Variants in ZNF318 observed in about 807,000 individuals in gnomAD.
ZNF318 encodes zinc finger protein 318, also known as endocrine regulator.
A neutral mutation model predicts 124.2 loss-of-function variants in ZNF318; 51 were observed. The observed-to-expected ratio is 0.41, with a 90% confidence interval of 0.33 to 0.52. The LOEUF (loss-of-function observed/expected upper bound fraction) is 0.52. Among genes scored for constraint, ZNF318 ranks in the 20% least tolerant of loss-of-function variants. The probability of loss-of-function intolerance (pLI) is 0.23; values close to 1 mark genes in which losing one functional copy is unlikely to be tolerated. For synonymous variants in ZNF318, 1,090 were observed against 1,040.7 expected, an observed-to-expected ratio of 1.05 and a Z score of -0.91; for missense variants, 2,815 against 2,811.2, an observed-to-expected ratio of 1.00 and a Z score of -0.03.
At chr6:43,362,254 C>T (rs1245164839) in intron 2 of ZNF318, among the ~76,000 whole-genome samples, 1 of 151,810 alleles carries the variant, frequency 6.6e-6, no homozygotes. Context: ...GAGGTCAGTT[C>T]GAGACCAGCC....
chr6:43,369,233 G>C lies in ZNF318; in HGVS notation c.133C>G (p.Pro45Ala), dbSNP rs368300752. 25 of 1,231,136 alleles carry C rather than the reference G, an allele frequency of 2.0e-5. No homozygotes were observed. The East Asian group carries it at 3.8e-4, about 19-fold the overall frequency. The allele number at this position is 1,231,136 out of a possible 1,614,324, so 76.3% of individuals were successfully genotyped here. ...PARRSSPPPPPSGSSSRTPAR... is the reference protein window; with the variant it reads ...PARRSSPPPPASGSSSRTPAR... ...GGGGTCCGCGACGAGGAGCCGGAGG[G>C]CGGAGGCGGCGGTGAGCTGCGGCGA... Residue 45 changes from proline to alanine, a missense_variant, in exon 1 of 10, where the codon CCC becomes GCC. Pro to Ala is a conservative substitution (Grantham distance 27). Coordinates refer to ENST00000361428, the MANE Select transcript of ZNF318 (RefSeq NM_014345.3).
intron 7 of ZNF318, 91 bp from the exon 8 acceptor site, chr6:43,342,302 G>A (rs1413681936): frequency 4.9e-6 from 5 of 1,028,056 alleles, no homozygotes; most frequent in Admixed American, 5.6e-5. Context: ...TAAGACCAGG[G>A]GACCAGAAGC....
At chr6:43,346,151 C>T (rs1210815411) in intron 6 of ZNF318, among the ~76,000 whole-genome samples, 3 of 135,796 alleles carry the variant, frequency 2.2e-5, no homozygotes, top group Admixed American at 8.3e-5. Flanking sequence ...GCGAAGATCA[C>T]GCCACACGCC....
chr6:43,347,019 C>T (rs1779457256), intron 6 of ZNF318, among the ~76,000 whole-genome samples: 1 of 151,966 alleles, frequency 6.6e-6, no homozygotes, highest in Non-Finnish European at 1.5e-5. Context: ...AGGAAAATTA[C>T]AAGATATTAT....
intron 2 of ZNF318, among the ~76,000 whole-genome samples, chr6:43,362,925 A>C (rs1455386420): frequency 6.6e-6 from 1 of 152,192 alleles, no homozygotes; most frequent in Non-Finnish European, 1.5e-5. Flanking sequence ...GACAGTAATT[A>C]TCCACACAAA....
At chr6:43,352,192 C>CCAT (rs1190360198) in intron 5 of ZNF318, among the ~76,000 whole-genome samples, 185 bp downstream of exon 5, 1 of 152,194 alleles carries the variant, frequency 6.6e-6, no homozygotes, top group African/African-American at 2.4e-5. Context: ...ATCACCACCA[C>CCAT]CATCATCTGG....
At chr6:43,358,003 T>C (rs1022868188) in intron 2 of ZNF318, among the ~76,000 whole-genome samples, 26 of 152,334 alleles carry the variant, frequency 1.7e-4, no homozygotes, top group Admixed American at 6.5e-4. Context: ...TTTCTCCGAC[T>C]AGACTTAGGG....
chr6:43,344,510 A>G (rs1422927666), intron 6 of ZNF318, among the ~76,000 whole-genome samples: 2 of 152,214 alleles, frequency 1.3e-5, no homozygotes, highest in Admixed American at 6.5e-5. Flanking sequence ...TACTGAGAAA[A>G]CTAATAAAAT....
At position 43,363,875 on chromosome 6, in the gene ZNF318, C is replaced by T. The variant is rs866077790; in HGVS notation, c.548+1417G>A. On this transcript the variant is annotated intron_variant, in intron 2 of 9. Coordinates refer to ENST00000361428, the MANE Select transcript of ZNF318 (RefSeq NM_014345.3). ...GAGGTGGCCACTGCCACCTGCGGGGCCATCATCCTGGCCAAGCTCTCCATT... is the reference window on the plus strand; with the variant it reads ...GAGGTGGCCACTGCCACCTGCGGGGTCATCATCCTGGCCAAGCTCTCCATT... 56 of 735,738 alleles carry T rather than the reference C, an allele frequency of 7.6e-5. No homozygotes were observed. The African/African-American group carries it at 7.7e-4, about 10-fold the overall frequency. The allele number at this position is 735,738 out of a possible 1,614,324, so 45.6% of individuals were successfully genotyped here.
chr6:43,369,137 G>A lies in ZNF318; in HGVS notation c.229C>T (p.Arg77Cys), dbSNP rs1221374108. Residue 77 changes from arginine to cysteine, a missense_variant, in exon 1 of 10, where the codon CGC becomes TGC. Arg to Cys is a radical substitution (Grantham distance 180). Around this residue, in one of 4 missense-constraint regions of ZNF318, gnomAD observed 1,377 missense variants for 1,353.5 expected, o/e 1.02. Transcript: ENST00000361428. Reference protein sequence around the residue: ...RASPSPPRGRRVSPSPPRARR... With the variant: ...RASPSPPRGRCVSPSPPRARR... Reference sequence around the variant, plus strand: ...GCCCGAGGCGGGGACGGGGAGACGCGACGACCCCGTGGCGGGGACGGCGAG... The same window carrying A: ...GCCCGAGGCGGGGACGGGGAGACGCAACGACCCCGTGGCGGGGACGGCGAG... The A allele has an allele frequency of 8.1e-7, 1 of 1,228,520 alleles. No homozygotes were observed. The highest frequency in any genetic ancestry group is 1.0e-6 in the Non-Finnish European group (1 of 985,886). The allele number at this position is 1,228,520 out of a possible 1,614,324, so 76.1% of individuals were successfully genotyped here.
intron 6 of ZNF318, among the ~76,000 whole-genome samples, chr6:43,343,139 G>C (rs1194602084): frequency 6.6e-6 from 1 of 152,132 alleles, no homozygotes; most frequent in East Asian, 1.9e-4. Context: ...AATATCTCTA[G>C]AAGAACAGCC....
rs1171759866 is a variant in ZNF318 at position 43,339,913 on chromosome 6, G to A, written c.4085C>T (p.Ser1362Leu). Residue 1362 changes from serine (S) to leucine (L), a missense_variant, in exon 10 of 10, where the codon TCA becomes TTA. Around this residue, in one of 4 missense-constraint regions of ZNF318, gnomAD observed 500 missense variants for 605.2 expected, o/e 0.83. Transcript: ENST00000361428. This position sits in a 1 kb window ranked among gnomAD's most constrained non-coding sequence, Gnocchi z 4.2. ...LPIPSTVLRK[S>L]CSATMSKPAP... ...TGGCTTGCTCATTGTGGCTGAACATGACTTGCGGAGTACTGTGGATGGAAT... is the reference window on the plus strand; with the variant it reads ...TGGCTTGCTCATTGTGGCTGAACATAACTTGCGGAGTACTGTGGATGGAAT... 6.2e-7 allele frequency: 1 copy of A among 1,614,154 alleles called. No individual in the cohort carries two copies.
rs1324859435 is a variant in ZNF318, at chr6:43,355,517, G to A, written c.1817C>T (p.Ala606Val). Residue 606 changes from alanine (A) to valine (V), a missense_variant, in exon 4 of 10, where the codon GCA (alanine) becomes GTA (valine). Transcript: ENST00000361428. The part of the protein sequence containing the change: ...LKTIGLDIGV[A>V]EISQLAARTQ... ...GCGTGCAGCCAATTGACTAATCTCT[G>A]CTACTCCAATATCCAGCCCTATTGT... 3 of 1,614,168 alleles carry A rather than the reference G, an allele frequency of 1.9e-6. No homozygotes were observed. Among genetic ancestry groups the A allele is most frequent in the East Asian group, 2.2e-5 (1 of 44,882 alleles).
Position 43,337,963 on chromosome 6 carries a change from G to C in ZNF318, c.6035C>G (p.Thr2012Ser), listed in dbSNP as rs1295856925. The C allele has an allele frequency of 1.9e-6, 3 of 1,614,098 alleles. No homozygotes were observed. Among genetic ancestry groups the C allele is most frequent in the African/African-American group, 1.3e-5 (1 of 74,926 alleles). The change falls in exon 10 of 10, where the codon ACT becomes AGT. Residue 2012 changes from threonine to serine, a missense_variant. Thr to Ser is a moderately conservative substitution (Grantham distance 58). Around this residue, in one of 4 missense-constraint regions of ZNF318, gnomAD observed 927 missense variants for 820.6 expected, o/e 1.13. Transcript: ENST00000361428. The part of the protein sequence containing the change: ...EATDLKVEEL[T>S]ALGNLGDMPV... ...CATATCCCCCAGATTCCCCAGGGCA[G>C]TAAGCTCCTCTACCTTTAAGTCTGT... is the stretch of plus-strand genomic sequence containing the variant.
chr6:43,340,984 A>ACC (rs1779367549), intron 8 of ZNF318, 76 bp from the exon 9 acceptor site: 1 of 1,071,710 alleles, frequency 9.3e-7, no homozygotes, highest in Non-Finnish European at 1.4e-6. Context: ...AAATCCCACC[A>ACC]CCCCTTTGCA....
rs774444630 is a variant in ZNF318 at position 43,337,157 on chromosome 6, C to T, written c.*1G>A. 1 of 1,567,466 alleles carries T rather than the reference C, an allele frequency of 6.4e-7. No individual in the cohort carries two copies. Among genetic ancestry groups the T allele is most frequent in the East Asian group, 2.3e-5 (1 of 44,352 alleles). On this transcript the variant is annotated 3_prime_UTR_variant, in exon 10 of 10. Coordinates refer to ENST00000361428, the MANE Select transcript of ZNF318 (RefSeq NM_014345.3). Reference sequence around the variant, plus strand: ...TCACAAGTAGCTCTAGGTATTTATTCTTAGTTGTGAACACTGGATTCTGTG... The same window carrying T: ...TCACAAGTAGCTCTAGGTATTTATTTTTAGTTGTGAACACTGGATTCTGTG...
chr6:43,349,177 T>C (rs1386131586), intron 5 of ZNF318, among the ~76,000 whole-genome samples: 2 of 152,186 alleles, frequency 1.3e-5, no homozygotes, highest in Non-Finnish European at 2.9e-5. Context: ...TGGACAGGCT[T>C]CAGGGGCTCC....
chr6:43,356,449 T>C (rs577970073), intron 3 of ZNF318, among the ~76,000 whole-genome samples: 1 of 152,168 alleles, frequency 6.6e-6, no homozygotes, highest in South Asian at 2.1e-4. Context: ...TTCTTTTCTA[T>C]GGATCCCCAA....
Position 43,348,197 on chromosome 6 carries a change from T to C in ZNF318, c.3072+127A>G, listed in dbSNP as rs111780772. ...TGAAGAGGAGTACCACACTCTGATC[T>C]ATACTGTAAGAAAATAATTAACAAG... is the stretch of plus-strand genomic sequence containing the variant. On this transcript the variant is annotated intron_variant, in intron 6 of 9. Coordinates refer to ENST00000361428, the MANE Select transcript of ZNF318 (RefSeq NM_014345.3). 1,251 of 967,648 alleles carry C rather than the reference T, an allele frequency of 1.3e-3. 13 individuals carry two copies. The African/African-American group carries it at 0.018, about 14-fold the overall frequency. The allele number at this position is 967,648 out of a possible 1,614,324, so 59.9% of individuals were successfully genotyped here.
Sources: gnomAD v4.1 joint callset for allele counts (sites outside exome capture counted in the v4.1 genomes callset) on GRCh38, gnomAD v4.1.1 for gene constraint, gnomAD v4.1.1 regional missense constraint, Gnocchi (gnomAD v3.1) non-coding constraint, MANE v1.5 for transcripts, NCBI Gene and HGNC (gene_info 2026-07-23, HGNC 2026-07-21) for gene names.